The following GOLGA3 variants were observed in gnomAD, a reference collection of about 807,000 sequenced individuals.
GOLGA3 encodes the protein golgin subfamily A member 3.
A neutral mutation model predicts 169.4 loss-of-function variants in GOLGA3; 75 were observed. The ratio of observed to expected loss-of-function variants is 0.44; its 90% CI spans 0.37 to 0.54. The LOEUF (loss-of-function observed/expected upper bound fraction) is 0.54. GOLGA3 is among the 20% of genes least tolerant of loss of function. The pLI, the probability that GOLGA3 is intolerant of heterozygous loss-of-function variation, is 0.00. For synonymous variants in GOLGA3, 824 were observed against 822.4 expected (o/e 1.00, Z -0.03); for missense variants, 1,899 against 1,930.0 (o/e 0.98, Z 0.30).
chr12:132,785,393 C>T (rs1167070813), intron 15 of GOLGA3, among the ~76,000 whole-genome samples: 1 of 152,192 alleles, frequency 6.6e-6, no homozygotes, highest in Admixed American at 6.5e-5. Context: ...GCAGTTTCAG[C>T]CTCACCTCCC....
chr12:132,795,122 G>A (rs1346142537), intron 11 of GOLGA3, among the ~76,000 whole-genome samples: 2 of 151,666 alleles, frequency 1.3e-5, no homozygotes, highest in Non-Finnish European at 2.9e-5. Context: ...CGGAGGCAGA[G>A]GTTGCAGTGA....
chr12:132,823,560 CG>C (rs2136803869), intron 1 of GOLGA3, among the ~76,000 whole-genome samples: 1 of 152,228 alleles, frequency 6.6e-6, no homozygotes, highest in African/African-American at 2.4e-5. Context: ...CCAAGGCGGG[CG>C]GATCACCTGC....
Position 132,773,040 on chromosome 12 carries a change from A to G in GOLGA3, c.*65T>C. 1 of 1,171,646 alleles carries G rather than the reference A, an allele frequency of 8.5e-7. No homozygotes were observed. The highest frequency in any genetic ancestry group is 1.2e-6 in the Non-Finnish European group (1 of 851,132). 72.6% of individuals were successfully genotyped at this position (1,171,646 alleles called of 1,614,324 possible). A position where few individuals can be genotyped will look rare whatever the true frequency, so the allele number is the denominator to read the frequency against. On this transcript the variant is annotated 3_prime_UTR_variant, in exon 24 of 24. Coordinates refer to ENST00000450791, the MANE Select transcript of GOLGA3 (RefSeq NM_001389683.1). Reference sequence around the variant, plus strand: ...GTCTTAGAAAAACATCGACCACACAATCAAATAAATAACATTGATAAGAGC... The same window carrying G: ...GTCTTAGAAAAACATCGACCACACAGTCAAATAAATAACATTGATAAGAGC...
At chr12:132,786,303 G>A (rs2045895257) in intron 15 of GOLGA3, 36 bp downstream of exon 15, 2 of 1,423,462 alleles carry the variant, frequency 1.4e-6, no homozygotes, top group South Asian at 2.5e-5. Flanking sequence ...CTGAGGGGCT[G>A]GTGACCCTGG....
At chr12:132,775,378 T>C (rs2045170193) in intron 21 of GOLGA3, 73 bp from the exon 22 acceptor site, 1 of 1,373,778 alleles carries the variant, frequency 7.3e-7, no homozygotes, top group African/African-American at 1.4e-5. Context: ...AGTTTGTATT[T>C]TCATAGGTTA....
Position 132,772,972 on chromosome 12 carries a change from T to C in GOLGA3, c.*133A>G. The C allele has an allele frequency of 1.6e-6, 1 of 639,674 alleles. No homozygotes were observed. The highest frequency in any genetic ancestry group is 2.7e-6 in the Non-Finnish European group (1 of 373,624). 39.6% of individuals were successfully genotyped at this position (639,674 alleles called of 1,614,324 possible). On this transcript the variant is annotated 3_prime_UTR_variant, in exon 24 of 24. Transcript: ENST00000450791. ...AGTCCTTGGCTCTCATTCTGCTATATATTTTACTTCTTGTTAAAGGCAAAA... is the reference window on the plus strand; with the variant it reads ...AGTCCTTGGCTCTCATTCTGCTATACATTTTACTTCTTGTTAAAGGCAAAA...
chr12:132,795,921 T>A lies in GOLGA3; in HGVS notation c.2400A>T (p.Glu800Asp), dbSNP rs200277700. 5.4e-5 allele frequency: 87 copies of A among 1,614,046 alleles called. No individual in the cohort carries two copies. Among genetic ancestry groups the A allele is most frequent in the Non-Finnish European group, 7.2e-5 (85 of 1,180,028 alleles). Reference protein sequence around the residue: ...EELDRGARRLEEGTEETSETL... With the variant: ...EELDRGARRLDEGTEETSETL... ...TTTCCGACGTTTCCTCGGTACCTTC[T>A]TCCAAGCGTCTTGCTCCTCTGTCAA... Residue 800 changes from glutamate (E) to aspartate (D), a missense_variant, in exon 11 of 24, where the codon GAA becomes GAT. By Grantham distance (45) the Glu-to-Asp change is conservative. Coordinates refer to ENST00000450791, the MANE Select transcript of GOLGA3 (RefSeq NM_001389683.1).
chr12:132,796,239 C>A lies in GOLGA3; in HGVS notation c.2101-19G>T. 6.4e-7 allele frequency: 1 copy of A among 1,573,136 alleles called. No homozygotes were observed. Among genetic ancestry groups the A allele is most frequent in the Non-Finnish European group, 8.6e-7 (1 of 1,158,986 alleles). ...ACTTCACCTGGAGAAGGAATGAAGC[C>A]CACATGGCTGCGCCTGACCCTCCTC... On this transcript the variant is annotated intron_variant, in intron 10 of 23. Coordinates refer to ENST00000450791, the MANE Select transcript of GOLGA3 (RefSeq NM_001389683.1).
At chr12:132,789,314 C>G (rs367872815) in intron 12 of GOLGA3, 24 bp from the exon 13 acceptor site, 1 of 1,549,518 alleles carries the variant, frequency 6.5e-7, no homozygotes, top group African/African-American at 1.4e-5. Flanking sequence ...AGGCTGTGAG[C>G]GGACGCTGGG....
chr12:132,807,257 G>T lies in GOLGA3; in HGVS notation c.1210C>A (p.Gln404Lys). 1 of 1,588,112 alleles carries T rather than the reference G, an allele frequency of 6.3e-7. No homozygotes were observed. The highest frequency in any genetic ancestry group is 8.6e-7 in the Non-Finnish European group (1 of 1,165,330). ...VSLESSAAETQEEMLQVLKEK... is the reference protein window; with the variant it reads ...VSLESSAAETKEEMLQVLKEK... ...TTGAGCACCTGCAGCATCTCCTCCTGTGTTTCTGCTGCAGAGCTCTCCAAG... is the reference window on the plus strand; with the variant it reads ...TTGAGCACCTGCAGCATCTCCTCCTTTGTTTCTGCTGCAGAGCTCTCCAAG... The change falls in exon 6 of 24, where the codon CAG (glutamine) becomes AAG (lysine). Residue 404 changes from glutamine to lysine, a missense_variant. Physicochemically the swap from Gln to Lys is moderately conservative, Grantham distance 53 (BLOSUM62 1). Coordinates refer to ENST00000450791, the MANE Select transcript of GOLGA3 (RefSeq NM_001389683.1).
At chr12:132,781,336 C>T (rs993258395) in intron 17 of GOLGA3, among the ~76,000 whole-genome samples, 5 of 151,510 alleles carry the variant, frequency 3.3e-5, no homozygotes, top group African/African-American at 9.7e-5. Context: ...CCGAGGCAGG[C>T]GGATGACAGT....
Position 132,816,790 on chromosome 12 carries a change from G to A in GOLGA3, c.156C>T (p.Ser52=), listed in dbSNP as rs1949979395. 6.2e-7 allele frequency: 1 copy of A among 1,603,150 alleles called. No homozygotes were observed. Among genetic ancestry groups the A allele is most frequent in the Non-Finnish European group, 8.5e-7 (1 of 1,171,558 alleles). The change falls in exon 3 of 24, where the codon TCC becomes TCT. Residue 52 remains serine, a synonymous_variant. Transcript: ENST00000450791. ...KVQCAEVNRA[S]TEGESPDGPG... is the part of the protein sequence containing the mutation. ...GTCCATCCGGGCTTTCCCCTTCCGTGGATGCTCTGTTTACCTCGGCACCTG... is the reference window on the plus strand; with the variant it reads ...GTCCATCCGGGCTTTCCCCTTCCGTAGATGCTCTGTTTACCTCGGCACCTG...
chr12:132,811,909 G>A (rs1286770469), intron 4 of GOLGA3: 5 of 358,916 alleles, frequency 1.4e-5, no homozygotes, highest in Non-Finnish European at 1.9e-5. Context: ...CTACTCAGGA[G>A]GCTGAGGCAG....
At chr12:132,814,254 C>T (rs1239721007) in intron 3 of GOLGA3, among the ~76,000 whole-genome samples, 1 of 151,234 alleles carries the variant, frequency 6.6e-6, no homozygotes, top group Non-Finnish European at 1.5e-5. Context: ...GAACTCCCGA[C>T]CTGAGGTGAT....
chr12:132,795,523 G>T (rs961819188), intron 11 of GOLGA3, among the ~76,000 whole-genome samples: 2 of 152,116 alleles, frequency 1.3e-5, no homozygotes, highest in African/African-American at 4.8e-5. Context: ...CACTGTGGGA[G>T]ACCGAGGCGG....
At chr12:132,802,361 C>T in intron 7 of GOLGA3, among the ~76,000 whole-genome samples, 1 of 134,618 alleles carries the variant, frequency 7.4e-6, no homozygotes, top group East Asian at 2.4e-4. Flanking sequence ...TAACAGTGGC[C>T]GGACACGGGG....
chr12:132,776,973 G>C lies in GOLGA3; in HGVS notation c.3840C>G (p.Pro1280=). ...KQLDEQLSKQ[P]VGNQEMENLK... is the part of the protein sequence containing the mutation. Reference sequence around the variant, plus strand: ...GAACCGTCACCTCTTGGTTTCCCACGGGCTGTTTGCTGAGCTGCTCGTCCA... The same window carrying C: ...GAACCGTCACCTCTTGGTTTCCCACCGGCTGTTTGCTGAGCTGCTCGTCCA... Residue 1280 remains proline (P), a synonymous_variant, in exon 20 of 24, where the codon CCC becomes CCG. Coordinates refer to ENST00000450791, the MANE Select transcript of GOLGA3 (RefSeq NM_001389683.1). The C allele has an allele frequency of 1.9e-6, 3 of 1,599,470 alleles. No homozygotes were observed. Among genetic ancestry groups the C allele is most frequent in the East Asian group, 2.2e-5 (1 of 44,808 alleles).
At position 132,786,674 on chromosome 12, in the gene GOLGA3, C is replaced by T. The variant is rs765286618; in HGVS notation, c.2906+19G>A. 5.7e-6 allele frequency: 9 copies of T among 1,583,546 alleles called. No individual in the cohort carries two copies. The highest frequency in any genetic ancestry group is 1.7e-4 in the Middle Eastern group (1 of 6,014). On this transcript the variant is annotated intron_variant, in intron 14 of 23. Coordinates refer to ENST00000450791, the MANE Select transcript of GOLGA3 (RefSeq NM_001389683.1). ...TCCCACCTGGCCCCCGCACCTCCCC[C>T]GGGCACATGCAGACTTACTTCCGGG...
chr12:132,809,514 A>G (rs574709594), intron 4 of GOLGA3, among the ~76,000 whole-genome samples: 29 of 142,908 alleles, frequency 2.0e-4, no homozygotes, highest in South Asian at 1.5e-3. Context: ...CTGGACCACG[A>G]TCCGCCTGGT....
Sources: gnomAD v4.1 joint callset for allele counts (sites outside exome capture counted in the v4.1 genomes callset) on GRCh38, gnomAD v4.1.1 for gene constraint, MANE v1.5 for transcripts, NCBI Gene and HGNC (gene_info 2026-07-23, HGNC 2026-07-21) for gene names.